The following HDAC9 variants were observed in gnomAD, a reference collection of about 807,000 sequenced individuals.
The protein encoded by HDAC9 is histone deacetylase 9.
HDAC9 carries 41 observed loss-of-function variants against 139.4 expected under a neutral mutation model. That is an observed-to-expected ratio of 0.29 (90% CI 0.23 to 0.38). The LOEUF (loss-of-function observed/expected upper bound fraction) is 0.38, where lower values mean the gene tolerates loss of function less well. Ranked by LOEUF, HDAC9 falls within the 10% of genes least tolerant of loss-of-function variation. HDAC9 has a pLI of 1.00. For synonymous variants in HDAC9, 517 were observed against 476.2 expected, an observed-to-expected ratio of 1.09 and a Z score of -1.12; for missense variants, 1,147 against 1,297.0, an observed-to-expected ratio of 0.88 and a Z score of 1.78.
chr7:18,980,180 T>C (rs1195992381), intron 25 of HDAC9, among the ~76,000 whole-genome samples: 4 of 152,096 alleles, frequency 2.6e-5, no homozygotes, highest in Non-Finnish European at 5.9e-5. Context: ...TTGAGGTGCA[T>C]GTGAAGTCTG....
intron 1 of HDAC9, among the ~76,000 whole-genome samples, chr7:18,433,837 C>T (rs1281943711): frequency 3.3e-5 from 5 of 152,142 alleles, no homozygotes; most frequent in Admixed American, 3.3e-4. Context: ...TTAAAATGTC[C>T]ATATGGCACA....
At chr7:18,297,285 T>C (rs894199526) in intron 1 of HDAC9, among the ~76,000 whole-genome samples, 5 of 152,198 alleles carry the variant, frequency 3.3e-5, no homozygotes, top group Non-Finnish European at 7.3e-5. Flanking sequence ...CTGTTTTATG[T>C]CCACGTATAG....
At chr7:18,135,959 C>T in intron 1 of HDAC9, among the ~76,000 whole-genome samples, 1 of 124,826 alleles carries the variant, frequency 8.0e-6, no homozygotes, top group African/African-American at 3.9e-5. Context: ...TCCTCTCCAG[C>T]ACCTGTTGTT....
At chr7:18,641,645 G>A (rs1020489356) in intron 8 of HDAC9, among the ~76,000 whole-genome samples, 5 of 152,066 alleles carry the variant, frequency 3.3e-5, no homozygotes, top group African/African-American at 1.2e-4. Context: ...AAACTGCAAA[G>A]TATTGGCATC....
Position 18,658,025 on chromosome 7 carries a change from C to T in HDAC9, c.1468-8188C>T, listed in dbSNP as rs549726159. Among the ~76,000 whole-genome samples, 15 of 152,234 alleles carry T rather than the reference C, an allele frequency of 9.9e-5. No individual in the cohort carries two copies. In the South Asian group the frequency reaches 2.9e-3, roughly 29 times the overall value. On this transcript the variant is annotated intron_variant, in intron 11 of 25. Coordinates refer to ENST00000686413, the MANE Select transcript of HDAC9 (RefSeq NM_178425.4). ...CCACTATTTTGTGTGGAAGGCTCAA[C>T]CTCCACGTCTTCTCACGGTTTGATT...
At chr7:18,801,775 T>C (rs990369453) in intron 17 of HDAC9, among the ~76,000 whole-genome samples, 3 of 152,090 alleles carry the variant, frequency 2.0e-5, no homozygotes, top group Non-Finnish European at 4.4e-5. Context: ...TTGGAATTTG[T>C]ATTTCTTTTT....
chr7:18,578,198 G>A (rs567672115), intron 2 of HDAC9: 4 of 519,034 alleles, frequency 7.7e-6, no homozygotes, highest in East Asian at 5.4e-5. Context: ...GAGGGAAAAT[G>A]TTTGGGCTTT....
chr7:18,413,804 T>G (rs1788795512), intron 1 of HDAC9, among the ~76,000 whole-genome samples: 1 of 152,166 alleles, frequency 6.6e-6, no homozygotes, highest in Non-Finnish European at 1.5e-5. Context: ...CTGGTGTTTT[T>G]TGCTGCCTAA....
At chr7:18,400,604 T>C (rs1787450274) in intron 1 of HDAC9, among the ~76,000 whole-genome samples, 1 of 152,148 alleles carries the variant, frequency 6.6e-6, no homozygotes, top group Non-Finnish European at 1.5e-5. Flanking sequence ...GGACAGTTTC[T>C]GGAATGGGAG....
chr7:18,824,151 G>T (rs182100652), intron 17 of HDAC9, among the ~76,000 whole-genome samples: 10 of 152,238 alleles, frequency 6.6e-5, no homozygotes, highest in African/African-American at 2.4e-4. Context: ...TGAGTGCTCA[G>T]ATGAAAGGCA....
chr7:18,809,345 T>C (rs1423884721), intron 17 of HDAC9, among the ~76,000 whole-genome samples: 1 of 151,962 alleles, frequency 6.6e-6, no homozygotes. Flanking sequence ...AGGGATTATA[T>C]TAAACTAAAA....
At chr7:18,253,206 G>A (rs1490435485) in intron 2 of HDAC9, among the ~76,000 whole-genome samples, 1 of 152,154 alleles carries the variant, frequency 6.6e-6, no homozygotes. Flanking sequence ...TACTACTGCA[G>A]TGAGCATATG....
intron 1 of HDAC9, among the ~76,000 whole-genome samples, chr7:18,346,158 G>T (rs975031411): frequency 6.6e-6 from 1 of 152,074 alleles, no homozygotes; most frequent in African/African-American, 2.4e-5. Context: ...CCATAATGAA[G>T]AAAGTTTCTT....
At chr7:18,682,454 C>T (rs1242868833) in intron 12 of HDAC9, among the ~76,000 whole-genome samples, 1 of 152,012 alleles carries the variant, frequency 6.6e-6, no homozygotes, top group African/African-American at 2.4e-5. Flanking sequence ...CACACATTCA[C>T]ACTCACTCTA....
chr7:18,194,389 TG>T (rs1300740722), intron 2 of HDAC9, among the ~76,000 whole-genome samples: 31 of 152,294 alleles, frequency 2.0e-4, no homozygotes, highest in African/African-American at 7.5e-4. Flanking sequence ...TCATTTTCAT[TG>T]TGGTTAAATT....
intron 2 of HDAC9, among the ~76,000 whole-genome samples, chr7:18,187,534 A>G (rs532394559): frequency 1.6e-4 from 25 of 152,314 alleles, no homozygotes; most frequent in African/African-American, 6.0e-4. Context: ...CACCATCTTT[A>G]AAACTCTTAA....
intron 22 of HDAC9, among the ~76,000 whole-genome samples, chr7:18,901,219 T>C (rs1036615087): frequency 0.031 from 4,042 of 130,850 alleles, 182 homozygotes; most frequent in African/African-American, 0.12. Context: ...TATATATATA[T>C]ATACACACAC....
At chr7:18,169,419 G>T (rs1305886910) in intron 2 of HDAC9, among the ~76,000 whole-genome samples, 3 of 150,422 alleles carry the variant, frequency 2.0e-5, no homozygotes, top group African/African-American at 7.3e-5. Context: ...TTTTAATTTT[G>T]CCATACTTTT....
intron 21 of HDAC9, among the ~76,000 whole-genome samples, chr7:18,851,179 C>T (rs972196975): frequency 6.6e-6 from 1 of 152,176 alleles, no homozygotes; most frequent in African/African-American, 2.4e-5. Context: ...GCTGCAGTAT[C>T]TATTCGCTCT....
Sources: gnomAD v4.1 joint callset for allele counts (sites outside exome capture counted in the v4.1 genomes callset) on GRCh38, gnomAD v4.1.1 for gene constraint, MANE v1.5 for transcripts, NCBI Gene and HGNC (gene_info 2026-07-23, HGNC 2026-07-21) for gene names.